Variants in SLX4 observed in about 807,000 individuals in gnomAD.
SLX4 encodes the protein structure-specific endonuclease subunit SLX4.
In SLX4, 112 loss-of-function variants were observed where a neutral mutation model predicts 146.2. The observed-to-expected ratio is 0.77, with a 90% CI of 0.66 to 0.90. The LOEUF (loss-of-function observed/expected upper bound fraction) is 0.90, where lower values mean the gene tolerates loss of function less well. Ranked by LOEUF, SLX4 falls within the 40% of genes least tolerant of loss-of-function variation. The pLI, the probability that SLX4 is intolerant of heterozygous loss-of-function variation, is 0.00. For synonymous variants in SLX4, 1,061 were observed against 997.7 expected (o/e 1.06, Z -1.20); for missense variants, 2,563 against 2,392.7 (o/e 1.07, Z -1.49).
chr16:3,604,805 C>A (rs1301556322), intron 3 of SLX4, among the ~76,000 whole-genome samples: 2 of 140,712 alleles, frequency 1.4e-5, no homozygotes, highest in Non-Finnish European at 3.0e-5. Context: ...GGGAGACAGA[C>A]CAAGACTCCA....
rs377443183 is a variant in SLX4, at chr16:3,589,069, C to A, written c.4569G>T (p.Glu1523Asp). 3 of 1,614,008 alleles carry A rather than the reference C, an allele frequency of 1.9e-6. No individual in the cohort carries two copies. The highest frequency in any genetic ancestry group is 1.7e-6 in the Non-Finnish European group (2 of 1,180,052). ...VWDGEEQRPPETPPPAQMPSA... is the reference protein window; with the variant it reads ...VWDGEEQRPPDTPPPAQMPSA... ...TTGGCATCTGGGCCGGAGGAGGGGT[C>A]TCTGGAGGCCTCTGCTCTTCCCCGT... is the stretch of plus-strand genomic sequence containing the variant. Residue 1523 changes from glutamate (E) to aspartate (D), a missense_variant, in exon 12 of 15, where the codon GAG (glutamate) becomes GAT (aspartate). By Grantham distance (45) the Glu-to-Asp change is conservative. Transcript: ENST00000294008. This position sits in a 1 kb window ranked among gnomAD's most constrained non-coding sequence, Gnocchi z 6.2.
At position 3,608,997 on chromosome 16, in the gene SLX4, T is replaced by A; in HGVS notation, c.-33A>T. 1.2e-6 allele frequency: 2 copies of A among 1,605,208 alleles called. No homozygotes were observed. Among genetic ancestry groups the A allele is most frequent in the South Asian group, 1.1e-5 (1 of 90,676 alleles). ...CTTCTCTACTTCTCCATTAGATACT[T>A]GGAGAGTTTGCACAATTGAACAAAA... On this transcript the variant is annotated 5_prime_UTR_variant, in exon 2 of 15. The change creates a premature stop within an existing upstream ORF in the 5' untranslated region. Transcript: ENST00000294008.
At chr16:3,611,100 G>T (rs1291725977) in intron 1 of SLX4, among the ~76,000 whole-genome samples, 3 of 152,336 alleles carry the variant, frequency 2.0e-5, no homozygotes, top group South Asian at 2.1e-4. Context: ...AGAGGGAAGG[G>T]GACTTGTGCC....
At position 3,591,208 on chromosome 16, in the gene SLX4, G is replaced by T; in HGVS notation, c.2430C>A (p.Ser810Arg). ...AGAGTTCCTGGAAATTCTCGGCCCTGCTTTCGCAATTCTCTGCTTCCTTCT... is the reference window on the plus strand; with the variant it reads ...AGAGTTCCTGGAAATTCTCGGCCCTTCTTTCGCAATTCTCTGCTTCCTTCT... Reference protein sequence around the residue: ...WEEKEAENCESRAENFQELLR... With the variant: ...WEEKEAENCERRAENFQELLR... Residue 810 changes from serine to arginine, a missense_variant, in exon 12 of 15, where the codon AGC (serine) becomes AGA (arginine). Transcript: ENST00000294008. 6.8e-6 allele frequency: 11 copies of T among 1,614,018 alleles called. No homozygotes were observed. The highest frequency in any genetic ancestry group is 1.6e-4 in the Middle Eastern group (1 of 6,062).
rs1045464630 is a variant in SLX4 at position 3,583,207 on chromosome 16, C to G, written c.5043G>C (p.Ser1681=). The change falls in exon 14 of 15, where the codon TCG becomes TCC. Residue 1681 remains serine, a synonymous_variant. Transcript: ENST00000294008. ...HHESITPPSR[S]PTKEAPPGLN... is the part of the protein sequence containing the mutation. ...GGCCTGGAGGTGCCTCCTTGGTGGG[C>G]GACCTGCTTGGGGGTGTGATGCTTT... 1 of 1,614,028 alleles carries G rather than the reference C, an allele frequency of 6.2e-7. No homozygotes were observed. Among genetic ancestry groups the G allele is most frequent in the South Asian group, 1.1e-5 (1 of 91,082 alleles).
chr16:3,607,263 G>A (rs1034436160), intron 2 of SLX4, among the ~76,000 whole-genome samples: 7 of 152,136 alleles, frequency 4.6e-5, no homozygotes, highest in Admixed American at 2.0e-4. Context: ...CAAAGAGCAC[G>A]AGAGACCAGT....
At position 3,597,405 on chromosome 16, in the gene SLX4, G is replaced by A. The variant is rs1223349224; in HGVS notation, c.1657C>T (p.Pro553Ser). The change falls in exon 7 of 15, where the codon CCT (proline) becomes TCT (serine). Residue 553 changes from proline to serine, a missense_variant. Physicochemically the swap from Pro to Ser is moderately conservative, Grantham distance 74. Transcript: ENST00000294008. This position sits in a 1 kb window ranked among gnomAD's most constrained non-coding sequence, Gnocchi z 4.4. ...EDFYTARLVP[P>S]LVPQRPAQGL... ...TGGGCAGGCCGCTGGGGCACGAGAGGAGGGACCAGCCTGGCCGTGTAGAAG... is the reference window on the plus strand; with the variant it reads ...TGGGCAGGCCGCTGGGGCACGAGAGAAGGGACCAGCCTGGCCGTGTAGAAG... 1.3e-6 allele frequency: 2 copies of A among 1,595,408 alleles called. No homozygotes were observed. The highest frequency in any genetic ancestry group is 2.7e-5 in the African/African-American group (2 of 74,838).
Position 3,582,694 on chromosome 16 carries a change from C to G in SLX4, c.5154-1G>C, listed in dbSNP as rs761665399. ...CGCTCCAAACTCACAGGAGGAAGAA[C>G]TGAAAAGAGCCAGACCAGGACGTTG... On this transcript the variant is annotated splice_acceptor_variant, in intron 14 of 14. Transcript: ENST00000294008. LOFTEE classifies it high-confidence loss of function. 2 of 1,610,678 alleles carry G rather than the reference C, an allele frequency of 1.2e-6. No homozygotes were observed. The highest frequency in any genetic ancestry group is 1.7e-6 in the Non-Finnish European group (2 of 1,179,684).
intron 11 of SLX4, 21 bp from the exon 12 acceptor site, chr16:3,591,331 A>C (rs1433494616): frequency 6.2e-7 from 1 of 1,607,624 alleles, no homozygotes; most frequent in Non-Finnish European, 8.5e-7. Context: ...AAACATCGAC[A>C]GTCATCGCCC....
chr16:3,593,317 A>G (rs1212693309), intron 10 of SLX4, among the ~76,000 whole-genome samples: 2 of 151,958 alleles, frequency 1.3e-5, no homozygotes, highest in Non-Finnish European at 2.9e-5. Context: ...CAGGTGATCC[A>G]CCCTCCTCGG....
chr16:3,600,449 C>G (rs944400914), intron 5 of SLX4, among the ~76,000 whole-genome samples: 1 of 152,146 alleles, frequency 6.6e-6, no homozygotes, highest in Non-Finnish European at 1.5e-5. Context: ...TCTGCACCCC[C>G]CTAAAGGGGC....
chr16:3,607,253 C>A (rs2040796855), intron 2 of SLX4, among the ~76,000 whole-genome samples: 1 of 152,070 alleles, frequency 6.6e-6, no homozygotes. Flanking sequence ...ATCCGACTGG[C>A]AAAGAGCACG....
At chr16:3,608,282 T>G (rs1596533948) in intron 2 of SLX4, 148 bp downstream of exon 2, 1 of 843,806 alleles carries the variant, frequency 1.2e-6, no homozygotes, top group Non-Finnish European at 2.0e-6. Context: ...GCCTGTTCAT[T>G]TACATATTGT....
At chr16:3,582,996 G>T in intron 14 of SLX4, 101 bp downstream of exon 14, 2 of 1,473,506 alleles carry the variant, frequency 1.4e-6, no homozygotes, top group Non-Finnish European at 1.9e-6. Flanking sequence ...GGTGACGGGG[G>T]TTTTTGAAGA....
chr16:3,590,145 G>C lies in SLX4; in HGVS notation c.3493C>G (p.Gln1165Glu), dbSNP rs758108045. The change falls in exon 12 of 15, where the codon CAA (glutamine) becomes GAA (glutamate). Residue 1165 changes from glutamine to glutamate, a missense_variant. Transcript: ENST00000294008. This position sits in a 1 kb window ranked among gnomAD's most constrained non-coding sequence, Gnocchi z 4.8. ...CTAGAAATGGACTTCATTTTGGTTTGTTCTAGCTCCAGCTCCTCATCCGAG... is the reference window on the plus strand; with the variant it reads ...CTAGAAATGGACTTCATTTTGGTTTCTTCTAGCTCCAGCTCCTCATCCGAG... Reference protein sequence around the residue: ...LDSDEELELEQTKMKSISSDP... With the variant: ...LDSDEELELEETKMKSISSDP... The C allele has an allele frequency of 6.2e-7, 1 of 1,614,122 alleles. No homozygotes were observed. The highest frequency in any genetic ancestry group is 8.5e-7 in the Non-Finnish European group (1 of 1,180,024).
chr16:3,583,167 G>C lies in SLX4; in HGVS notation c.5083C>G (p.Gln1695Glu), dbSNP rs776096631. 4.3e-6 allele frequency: 7 copies of C among 1,614,244 alleles called. No homozygotes were observed. In the South Asian group the frequency reaches 7.7e-5, roughly 18 times the overall value. Residue 1695 changes from glutamine (Q) to glutamate (E), a missense_variant, in exon 14 of 15, where the codon CAG (glutamine) becomes GAG (glutamate). By Grantham distance (29) the Gln-to-Glu change is conservative (BLOSUM62 2). Coordinates refer to ENST00000294008, the MANE Select transcript of SLX4 (RefSeq NM_032444.4). ...EAPPGLNDDA[Q>E]IPASQESVAT... ...ACGGATTCTTGAGAGGCTGGGATCT[G>C]GGCGTCATCATTGAGGCCTGGAGGT... is the stretch of plus-strand genomic sequence containing the variant.
chr16:3,596,486 C>T, intron 7 of SLX4, 93 bp from the exon 8 acceptor site: 1 of 1,419,252 alleles, frequency 7.0e-7, no homozygotes. Flanking sequence ...ACGGCTGGAC[C>T]TAAAACTACA....
chr16:3,596,329 C>G lies in SLX4; in HGVS notation c.1748G>C (p.Arg583Thr), dbSNP rs750768695. 9 of 1,587,842 alleles carry G rather than the reference C, an allele frequency of 5.7e-6. No individual in the cohort carries two copies. The highest frequency in any genetic ancestry group is 1.7e-4 in the Middle Eastern group (1 of 5,836). Residue 583 changes from arginine (R) to threonine (T), a missense_variant, in exon 8 of 15, where the codon AGG (arginine) becomes ACG (threonine). Physicochemically the swap from Arg to Thr is moderately conservative, Grantham distance 71 (BLOSUM62 -1). Coordinates refer to ENST00000294008, the MANE Select transcript of SLX4 (RefSeq NM_032444.4). ...PPEHSELSER[R>T]SPALHGTPTA... The stretch of plus-strand genomic sequence containing the variant: ...GGGGGTGCCGTGGAGAGCGGGTGAC[C>G]TTCGCTCGCTCAGCTCTGAGTGCTC...
Position 3,582,695 on chromosome 16 carries a change from T to G in SLX4, c.5154-2A>C. 3 of 1,610,488 alleles carry G rather than the reference T, an allele frequency of 1.9e-6. No individual in the cohort carries two copies. The South Asian group carries it at 3.3e-5, about 18-fold the overall frequency. ...GCTCCAAACTCACAGGAGGAAGAAC[T>G]GAAAAGAGCCAGACCAGGACGTTGT... On this transcript the variant is annotated splice_acceptor_variant, in intron 14 of 14. Transcript: ENST00000294008. LOFTEE classifies it high-confidence loss of function.
Sources: gnomAD v4.1 joint callset for allele counts (sites outside exome capture counted in the v4.1 genomes callset) on GRCh38, gnomAD v4.1.1 for gene constraint, Gnocchi (gnomAD v3.1) non-coding constraint, MANE v1.5 for transcripts, NCBI Gene and HGNC (gene_info 2026-07-23, HGNC 2026-07-21) for gene names.